Variants in GPC5 observed in about 807,000 individuals in gnomAD.
The protein encoded by GPC5 is glypican 5, also known as glypican-5.
In GPC5, 47 loss-of-function variants were observed where a neutral mutation model predicts 53.9. That is an observed-to-expected ratio of 0.87 (90% CI 0.69 to 1.11). The LOEUF (loss-of-function observed/expected upper bound fraction) is 1.11. GPC5 is among the 50% of genes most tolerant of loss of function. The probability of loss-of-function intolerance (pLI) is 0.00; values close to 1 mark genes in which losing one functional copy is unlikely to be tolerated. For missense variants in GPC5, 748 were observed against 713.1 expected, an observed-to-expected ratio of 1.05 and a Z score of -0.56; for synonymous variants, 286 against 263.3, an observed-to-expected ratio of 1.09 and a Z score of -0.84.
At chr13:92,314,532 A>G (rs1346694358) in intron 7 of GPC5, among the ~76,000 whole-genome samples, 1 of 152,250 alleles carries the variant, frequency 6.6e-6, no homozygotes, top group African/African-American at 2.4e-5. Context: ...TTAATTAAAC[A>G]CAGTTGTTTA....
chr13:92,613,319 A>T (rs183341612), intron 7 of GPC5, among the ~76,000 whole-genome samples: 2,153 of 103,230 alleles, frequency 0.021, 108 homozygotes, highest in African/African-American at 0.081. Flanking sequence ...GTATATAATA[A>T]ATATTTATAT....
intron 5 of GPC5, among the ~76,000 whole-genome samples, chr13:91,837,768 C>T (rs1334576230): frequency 6.6e-6 from 1 of 152,050 alleles, no homozygotes; most frequent in Non-Finnish European, 1.5e-5. Flanking sequence ...GCCTTCACTG[C>T]AAAGTAGAAG....
intron 7 of GPC5, among the ~76,000 whole-genome samples, chr13:92,570,099 G>C (rs1882979702): frequency 6.6e-6 from 1 of 152,080 alleles, no homozygotes; most frequent in Non-Finnish European, 1.5e-5. Context: ...TTTTAAAAAA[G>C]ACAATGTTTT....
At chr13:92,616,954 A>C (rs1393975437) in intron 7 of GPC5, among the ~76,000 whole-genome samples, 1 of 152,224 alleles carries the variant, frequency 6.6e-6, no homozygotes, top group African/African-American at 2.4e-5. Context: ...AAAATATTGA[A>C]TATAATACAT....
At chr13:92,561,108 G>C (rs1882681037) in intron 7 of GPC5, among the ~76,000 whole-genome samples, 1 of 151,890 alleles carries the variant, frequency 6.6e-6, no homozygotes, top group Admixed American at 6.6e-5. Flanking sequence ...TTATGCATGG[G>C]AGTAGCCATA....
intron 7 of GPC5, among the ~76,000 whole-genome samples, chr13:92,729,794 T>TA (rs778009941): frequency 2.0e-5 from 3 of 150,450 alleles, no homozygotes; most frequent in Admixed American, 6.7e-5. Flanking sequence ...AATTTTTTTT[T>TA]ACCACAAATC....
chr13:92,276,666 T>G (rs1431302183), intron 7 of GPC5, among the ~76,000 whole-genome samples: 1 of 152,106 alleles, frequency 6.6e-6, no homozygotes, highest in Non-Finnish European at 1.5e-5. Context: ...TTCAGAACAC[T>G]TTGCAAGGAA....
intron 7 of GPC5, among the ~76,000 whole-genome samples, chr13:92,227,527 G>C (rs2042496880): frequency 6.6e-6 from 1 of 152,048 alleles, no homozygotes; most frequent in Admixed American, 6.6e-5. Context: ...AATGTAAACA[G>C]AGCCAAAGAT....
intron 7 of GPC5, among the ~76,000 whole-genome samples, chr13:92,518,856 C>G (rs912505434): frequency 4.6e-5 from 7 of 152,072 alleles, no homozygotes; most frequent in African/African-American, 1.7e-4. Flanking sequence ...GAGTCAAGAC[C>G]CTTCAGTGTG....
Position 91,856,447 on chromosome 13 carries a change from A to G in GPC5, c.1281-51490A>G, listed in dbSNP as rs184693319. 1.5e-3 allele frequency among the ~76,000 whole-genome samples: 231 copies of G among 151,696 alleles called. 1 individual carries two copies. The Middle Eastern group carries it at 0.054, about 36-fold the overall frequency. On this transcript the variant is annotated intron_variant, in intron 5 of 7. Coordinates refer to ENST00000377067, the MANE Select transcript of GPC5 (RefSeq NM_004466.6). ...TTTAGTCTACCATCAGCAAATTGTG[A>G]GAGGTTGAGTTGTTCATCGTATGTT... is the stretch of plus-strand genomic sequence containing the variant.
At chr13:92,383,740 A>C (rs2043769279) in intron 7 of GPC5, among the ~76,000 whole-genome samples, 1 of 152,174 alleles carries the variant, frequency 6.6e-6, no homozygotes, top group Non-Finnish European at 1.5e-5. Flanking sequence ...ACATCAATTA[A>C]TGACTCATGT....
intron 7 of GPC5, among the ~76,000 whole-genome samples, chr13:92,847,657 C>T (rs1878657094): frequency 2.0e-5 from 3 of 151,716 alleles, no homozygotes; most frequent in African/African-American, 7.3e-5. Context: ...TACCCAGTCT[C>T]AGGTAGTTCT....
chr13:91,425,706 A>G (rs998134466), intron 1 of GPC5, among the ~76,000 whole-genome samples: 1 of 152,224 alleles, frequency 6.6e-6, no homozygotes, highest in Non-Finnish European at 1.5e-5. Flanking sequence ...ATTGATGAAT[A>G]CAATAAATGG....
At chr13:92,859,963 A>G (rs1026999793) in intron 7 of GPC5, among the ~76,000 whole-genome samples, 6 of 152,130 alleles carry the variant, frequency 3.9e-5, no homozygotes, top group Non-Finnish European at 4.4e-5. Context: ...TTAAACTTCA[A>G]TCCAGAAAAA....
intron 2 of GPC5, among the ~76,000 whole-genome samples, chr13:91,692,895 C>T (rs1432951848): frequency 1.3e-5 from 2 of 152,302 alleles, no homozygotes; most frequent in South Asian, 4.1e-4. Context: ...CCACCTCCCT[C>T]GGCTTCCCAA....
At chr13:91,817,759 T>C (rs1359934156) in intron 5 of GPC5, among the ~76,000 whole-genome samples, 1 of 152,186 alleles carries the variant, frequency 6.6e-6, no homozygotes, top group Non-Finnish European at 1.5e-5. Flanking sequence ...CTGGTTAATG[T>C]CATCCCTAAG....
rs140189672 is a variant in GPC5, at chr13:92,325,103, G to GACACACACACAC, written c.1561+180131_1561+180142dup. Among the ~76,000 whole-genome samples, 19 of 146,430 alleles carry GACACACACACAC rather than the reference G, an allele frequency of 1.3e-4. 1 individual carries two copies. Among genetic ancestry groups the GACACACACACAC allele is most frequent in the South Asian group, 4.4e-4 (2 of 4,578 alleles). On this transcript the variant is annotated intron_variant, in intron 7 of 7. Transcript: ENST00000377067. ...AGAGAACATACCTTTAATAACTTCTGACACACACACACACACACACACACA... is the reference window on the plus strand; with the variant it reads ...AGAGAACATACCTTTAATAACTTCTGACACACACACACACACACACACACACACACACACACA...
chr13:92,781,518 A>G (rs1301626270), intron 7 of GPC5, among the ~76,000 whole-genome samples: 1 of 152,112 alleles, frequency 6.6e-6, no homozygotes, highest in East Asian at 1.9e-4. Context: ...AGATCTCTAG[A>G]TAATATGGGG....
intron 2 of GPC5, among the ~76,000 whole-genome samples, chr13:91,668,980 G>C (rs1339453120): frequency 6.6e-6 from 1 of 152,056 alleles, no homozygotes; most frequent in Non-Finnish European, 1.5e-5. Flanking sequence ...ATACACCATT[G>C]GCTTTACAAG....
Sources: allele counts gnomAD v4.1 joint callset (sites outside exome capture counted in the v4.1 genomes callset), GRCh38; gene constraint gnomAD v4.1.1; transcripts MANE v1.5; gene names NCBI Gene and HGNC (gene_info 2026-07-23, HGNC 2026-07-21).